The following TOPAZ1 variants were observed in gnomAD, a reference collection of about 807,000 sequenced individuals.
TOPAZ1 encodes testis and ovary specific TOPAZ 1, also known as protein TOPAZ1.
TOPAZ1 carries 66 observed loss-of-function variants against 172.2 expected under a neutral mutation model. The observed-to-expected ratio is 0.38, with a 90% CI of 0.31 to 0.47. The LOEUF (loss-of-function observed/expected upper bound fraction) is 0.47, where lower values mean the gene tolerates loss of function less well. TOPAZ1 is among the 20% of genes least tolerant of loss of function. TOPAZ1 has a pLI of 0.99. For synonymous variants in TOPAZ1, 681 were observed against 683.9 expected, an observed-to-expected ratio of 1.00 and a Z score of 0.07; for missense variants, 1,822 against 1,972.4, an observed-to-expected ratio of 0.92 and a Z score of 1.44.
intron 9 of TOPAZ1, among the ~76,000 whole-genome samples, chr3:44,282,252 A>G (rs993016255): frequency 6.6e-6 from 1 of 152,256 alleles, no homozygotes; most frequent in Non-Finnish European, 1.5e-5. Context: ...TGTTTTCATG[A>G]CTTACAAATT....
At position 44,331,978 on chromosome 3, in the gene TOPAZ1, G is replaced by A; in HGVS notation, c.5046G>A (p.Trp1682Ter). ...ALKWLKENMK[W>*]AGKVWLFSNH Reference sequence around the variant, plus strand: ...AATGGTTAAAAGAGAATATGAAGTGGGCTGGAAAGGTTTGGCTTTTCAGTA... The same window carrying A: ...AATGGTTAAAAGAGAATATGAAGTGAGCTGGAAAGGTTTGGCTTTTCAGTA... The change falls in exon 20 of 20, where the codon TGG (tryptophan) becomes TGA (stop). Residue 1682 changes from tryptophan (W) to a stop codon, truncating the protein, a stop_gained. Coordinates refer to ENST00000309765, the MANE Select transcript of TOPAZ1 (RefSeq NM_001145030.2). LOFTEE classifies it high-confidence loss of function. 1 of 1,550,030 alleles carries A rather than the reference G, an allele frequency of 6.5e-7. No homozygotes were observed. Among genetic ancestry groups the A allele is most frequent in the Non-Finnish European group, 8.7e-7 (1 of 1,146,886 alleles).
intron 2 of TOPAZ1, among the ~76,000 whole-genome samples, chr3:44,250,184 T>TC (rs1699613899): frequency 7.2e-6 from 1 of 139,714 alleles, no homozygotes; most frequent in Non-Finnish European, 1.5e-5. Flanking sequence ...CCCAGTTTGT[T>TC]CCCCAAGAGA....
At chr3:44,253,028 A>G (rs1699652717) in intron 2 of TOPAZ1, among the ~76,000 whole-genome samples, 8 of 152,188 alleles carry the variant, frequency 5.3e-5, no homozygotes, top group Admixed American at 5.2e-4. Context: ...GTTGAGGAAA[A>G]TTGAGACACC....
intron 12 of TOPAZ1, among the ~76,000 whole-genome samples, chr3:44,302,506 T>C (rs1415668500): frequency 2.0e-5 from 3 of 152,216 alleles, no homozygotes; most frequent in African/African-American, 4.8e-5. Context: ...CAATGGGGTC[T>C]GTTTCTTGAC....
chr3:44,327,063 A>G (rs1700608292), intron 18 of TOPAZ1, among the ~76,000 whole-genome samples: 1 of 152,204 alleles, frequency 6.6e-6, no homozygotes, highest in Admixed American at 6.5e-5. Context: ...CTGGAGCCAG[A>G]AAGTGGGCAC....
chr3:44,282,075 G>T lies in TOPAZ1; in HGVS notation c.3436+44G>T, dbSNP rs1049092045. 18 of 1,273,460 alleles carry T rather than the reference G, an allele frequency of 1.4e-5. No homozygotes were observed. In the Admixed American group the frequency reaches 4.1e-4, roughly 29 times the overall value. The allele number at this position is 1,273,460 out of a possible 1,614,324, so 78.9% of individuals were successfully genotyped here. A position where few individuals can be genotyped will look rare whatever the true frequency, so the allele number is the denominator to read the frequency against. ...ATTAGTATGAAGCTATTAATGTGTTGTTTGAAAATAGTTTAAAAGTAAATT... is the reference window on the plus strand; with the variant it reads ...ATTAGTATGAAGCTATTAATGTGTTTTTTGAAAATAGTTTAAAAGTAAATT... On this transcript the variant is annotated intron_variant, in intron 9 of 19. Coordinates refer to ENST00000309765, the MANE Select transcript of TOPAZ1 (RefSeq NM_001145030.2).
At chr3:44,259,500 C>G (rs1190276890) in intron 4 of TOPAZ1, among the ~76,000 whole-genome samples, 2 of 152,172 alleles carry the variant, frequency 1.3e-5, no homozygotes, top group Non-Finnish European at 2.9e-5. Flanking sequence ...TAATTACCTA[C>G]TATATGAATA....
At chr3:44,246,652 G>A (rs1443082539) in intron 2 of TOPAZ1, among the ~76,000 whole-genome samples, 1 of 152,146 alleles carries the variant, frequency 6.6e-6, no homozygotes, top group East Asian at 1.9e-4. Context: ...CACACTCCTA[G>A]TAACAGAATC....
Position 44,305,198 on chromosome 3 carries a change from G to A in TOPAZ1, c.3916G>A (p.Val1306Ile), listed in dbSNP as rs1025802771. 17 of 1,544,250 alleles carry A rather than the reference G, an allele frequency of 1.1e-5. No individual in the cohort carries two copies. The highest frequency in any genetic ancestry group is 8.1e-5 in the Admixed American group (4 of 49,670). ...CAAATTGGGAAAATTATACATTAAC[G>A]TAAAAATGGGCTGTGAAAAATTTGC... ...WTKLGKLYIN[V>I]KMGCEKFADF... The change falls in exon 14 of 20, where the codon GTA (valine) becomes ATA (isoleucine). Residue 1306 changes from valine (V) to isoleucine (I), a missense_variant. Physicochemically the swap from Val to Ile is conservative, Grantham distance 29. Transcript: ENST00000309765.
chr3:44,320,988 T>G, intron 16 of TOPAZ1, 39 bp from the exon 17 acceptor site: 1 of 1,353,084 alleles, frequency 7.4e-7, no homozygotes, highest in Non-Finnish European at 1.0e-6. Context: ...AGTGTCATTT[T>G]CATGGTATAA....
chr3:44,287,393 C>A lies in TOPAZ1; in HGVS notation c.3441C>A (p.Asn1147Lys). 1.4e-6 allele frequency: 2 copies of A among 1,443,540 alleles called. No homozygotes were observed. Among genetic ancestry groups the A allele is most frequent in the South Asian group, 1.6e-5 (1 of 63,684 alleles). The allele number at this position is 1,443,540 out of a possible 1,614,324, so 89.4% of individuals were successfully genotyped here. ...NELCLLQRAVNIFMEYYRKFP... is the reference protein window; with the variant it reads ...NELCLLQRAVKIFMEYYRKFP... ...TATATATATTTTCATTTTCAGTAAA[C>A]ATATTTATGGAGTACTACAGAAAGT... Residue 1147 changes from asparagine (N) to lysine (K), a missense_variant, in exon 10 of 20, where the codon AAC becomes AAA. By Grantham distance (94) the Asn-to-Lys change is moderately conservative. Coordinates refer to ENST00000309765, the MANE Select transcript of TOPAZ1 (RefSeq NM_001145030.2).
At position 44,298,922 on chromosome 3, in the gene TOPAZ1, T is replaced by TG. The variant is rs1559541915; in HGVS notation, c.3798-5093_3798-5092insG. On this transcript the variant is annotated intron_variant, in intron 12 of 19. Transcript: ENST00000309765. ...ATATATATATATATTTTTTTTTTTTTTTTTTTTTTTTTCCCCCTGAGATAG... is the reference window on the plus strand; with the variant it reads ...ATATATATATATATTTTTTTTTTTTTGTTTTTTTTTTTTCCCCCTGAGATAG... 3.1e-3 allele frequency among the ~76,000 whole-genome samples: 205 copies of TG among 66,976 alleles called. 3 individuals are homozygous for TG. Among genetic ancestry groups the TG allele is most frequent in the African/African-American group, 9.8e-3 (194 of 19,716 alleles). The allele number at this position is 66,976 out of a possible 152,430, so 43.9% of individuals were successfully genotyped here. A position where few individuals can be genotyped will look rare whatever the true frequency, so the allele number is the denominator to read the frequency against.
At chr3:44,304,587 T>C (rs1296055334) in intron 13 of TOPAZ1, among the ~76,000 whole-genome samples, 1 of 152,248 alleles carries the variant, frequency 6.6e-6, no homozygotes, top group African/African-American at 2.4e-5. Flanking sequence ...ATTAGTACTT[T>C]TATATTCTTA....
At chr3:44,309,583 G>A (rs1700375578) in intron 15 of TOPAZ1, among the ~76,000 whole-genome samples, 1 of 152,124 alleles carries the variant, frequency 6.6e-6, no homozygotes, top group Non-Finnish European at 1.5e-5. Context: ...TGATAAAGGG[G>A]GTCTGGTGGT....
chr3:44,298,415 A>G (rs1700223814), intron 12 of TOPAZ1, among the ~76,000 whole-genome samples: 1 of 152,128 alleles, frequency 6.6e-6, no homozygotes, highest in South Asian at 2.1e-4. Flanking sequence ...CCGTGATTGC[A>G]CCACTGCACT....
chr3:44,310,510 A>C (rs1559545811), intron 16 of TOPAZ1, among the ~76,000 whole-genome samples: 1 of 152,106 alleles, frequency 6.6e-6, no homozygotes, highest in Non-Finnish European at 1.5e-5. Flanking sequence ...GAAAAAAAAA[A>C]GCAAAACCTA....
chr3:44,254,574 C>G (rs973890903), intron 2 of TOPAZ1, among the ~76,000 whole-genome samples: 1 of 142,076 alleles, frequency 7.0e-6, no homozygotes, highest in Non-Finnish European at 1.5e-5. Context: ...TTGCAGTGAG[C>G]CAAGATCGCG....
rs1359583203 is a variant in TOPAZ1 at position 44,256,183 on chromosome 3, A to C, written c.2860A>C (p.Asn954His). The C allele has an allele frequency of 1.3e-6, 2 of 1,525,096 alleles. No homozygotes were observed. Among genetic ancestry groups the C allele is most frequent in the Non-Finnish European group, 1.8e-6 (2 of 1,139,036 alleles). The allele number at this position is 1,525,096 out of a possible 1,614,324, so 94.5% of individuals were successfully genotyped here. ...SEIKRDPKDV[N>H]TSLGEVANET... is the part of the protein sequence containing the mutation. ...AATAAAACGTGATCCCAAAGATGTA[A>C]ACACTTCCTTAGGAGAAGTTGCTAA... Residue 954 changes from asparagine (N) to histidine (H), a missense_variant, in exon 4 of 20, where the codon AAC becomes CAC. Asn to His is a moderately conservative substitution (Grantham distance 68). Around this residue, in one of 2 missense-constraint regions of TOPAZ1, gnomAD observed 1,489 missense variants for 1,490.8 expected, o/e 1.00. Transcript: ENST00000309765.
Position 44,323,291 on chromosome 3 carries a change from CA to C in TOPAZ1, c.4675del (p.Ser1559ValfsTer21). On this transcript the variant is annotated frameshift_variant, in exon 18 of 20. Transcript: ENST00000309765. LOFTEE classifies it high-confidence loss of function. ...RLWLKARAHY[K>X]SALSLGCYPP... ...TATGGCTCAAAGCCAGAGCCCACTA[CA>C]AAAGTAAGTTACATTTAAAATGTTT... 6.5e-7 allele frequency: 1 copy of C among 1,531,114 alleles called. No homozygotes were observed. The highest frequency in any genetic ancestry group is 8.8e-7 in the Non-Finnish European group (1 of 1,137,070). The allele number at this position is 1,531,114 out of a possible 1,614,324, so 94.8% of individuals were successfully genotyped here.
Sources: allele counts gnomAD v4.1 joint callset (sites outside exome capture counted in the v4.1 genomes callset), GRCh38; gene constraint gnomAD v4.1.1; regional missense constraint gnomAD v4.1.1; transcripts MANE v1.5; gene names NCBI Gene and HGNC (gene_info 2026-07-23, HGNC 2026-07-21).